The following WDFY1 variants were observed in gnomAD, a reference collection of about 807,000 sequenced individuals.
WDFY1 encodes WD repeat and FYVE domain-containing protein 1.
Under a neutral mutation model 56.4 loss-of-function variants are expected in WDFY1, and 32 were observed. The ratio of observed to expected loss-of-function variants is 0.57; its 90% CI spans 0.43 to 0.76. The LOEUF (loss-of-function observed/expected upper bound fraction) is 0.76, where lower values mean the gene tolerates loss of function less well. Ranked by LOEUF, WDFY1 falls within the 30% of genes least tolerant of loss-of-function variation. The probability of loss-of-function intolerance (pLI) is 0.00; values close to 1 mark genes in which losing one functional copy is unlikely to be tolerated. For synonymous variants in WDFY1, 192 were observed against 197.3 expected, an observed-to-expected ratio of 0.97 and a Z score of 0.23; for missense variants, 480 against 545.7, an observed-to-expected ratio of 0.88 and a Z score of 1.20.
chr2:223,922,982 T>C (rs901865945), intron 1 of WDFY1, among the ~76,000 whole-genome samples: 14 of 152,172 alleles, frequency 9.2e-5, no homozygotes, highest in Non-Finnish European at 1.6e-4. Flanking sequence ...ACCCATCTAA[T>C]AAACTAGGAA....
At chr2:223,884,552 G>T in intron 9 of WDFY1, 96 bp downstream of exon 9, 2 of 1,160,554 alleles carry the variant, frequency 1.7e-6, no homozygotes, top group Admixed American at 1.8e-5. Context: ...AATAGCATTT[G>T]CAAAAACAAA....
intron 1 of WDFY1, among the ~76,000 whole-genome samples, chr2:223,925,935 T>A (rs1258362873): frequency 6.6e-6 from 1 of 152,220 alleles, no homozygotes; most frequent in Non-Finnish European, 1.5e-5. Context: ...TATTTCCACA[T>A]CTGCAGTTAC....
At chr2:223,883,240 T>A (rs1396559763) in intron 9 of WDFY1, among the ~76,000 whole-genome samples, 1 of 152,214 alleles carries the variant, frequency 6.6e-6, no homozygotes, top group African/African-American at 2.4e-5. Context: ...CCCATAATCA[T>A]GTATTTTGCT....
At chr2:223,945,111 C>G (rs758165980) in intron 1 of WDFY1, 37 bp downstream of exon 1, 2 of 1,553,828 alleles carry the variant, frequency 1.3e-6, no homozygotes, top group Non-Finnish European at 1.7e-6. Context: ...CCCGTCGTCG[C>G]GGAGTTCGGG....
rs1461451983 is a variant in WDFY1, at chr2:223,897,390, A to ATATATATTTT, written c.598+1567_598+1568insAAAATATATA. On this transcript the variant is annotated intron_variant, in intron 6 of 11. Coordinates refer to ENST00000233055, the MANE Select transcript of WDFY1 (RefSeq NM_020830.5). ...TATATATATATATATATATATATAT[A>ATATATATTTT]TTTTTTAAGACGGAGTCTCTCTCTG... Among the ~76,000 whole-genome samples the ATATATATTTT allele has an allele frequency of 1.0e-3, 128 of 125,962 alleles. 3 individuals are homozygous for ATATATATTTT. The highest frequency in any genetic ancestry group is 1.7e-3 in the Non-Finnish European group (103 of 62,016). The allele number at this position is 125,962 out of a possible 152,430, so 82.6% of individuals were successfully genotyped here.
chr2:223,880,249 G>C lies in WDFY1; in HGVS notation c.1065-17C>G. The C allele has an allele frequency of 6.2e-7, 1 of 1,611,412 alleles. No individual in the cohort carries two copies. Among genetic ancestry groups the C allele is most frequent in the South Asian group, 1.1e-5 (1 of 91,014 alleles). Reference sequence around the variant, plus strand: ...GAAGTCCGACTAACAAGAGAAAAGAGATCACTGAAAATTTACTTGACTGTA... The same window carrying C: ...GAAGTCCGACTAACAAGAGAAAAGACATCACTGAAAATTTACTTGACTGTA... On this transcript the variant is annotated splice_polypyrimidine_tract_variant and intron_variant, in intron 10 of 11. Transcript: ENST00000233055.
intron 3 of WDFY1, among the ~76,000 whole-genome samples, chr2:223,911,145 G>A (rs1403636899): frequency 5.9e-5 from 9 of 152,162 alleles, no homozygotes; most frequent in African/African-American, 1.9e-4. Flanking sequence ...AGACATAAAA[G>A]GCCACACATA....
At chr2:223,929,667 T>C (rs571770119) in intron 1 of WDFY1, among the ~76,000 whole-genome samples, 20 of 152,124 alleles carry the variant, frequency 1.3e-4, no homozygotes, top group Non-Finnish European at 2.2e-4. Flanking sequence ...AAAATAAAGA[T>C]TCATGAAAAG....
chr2:223,885,395 C>G (rs1478559556), intron 8 of WDFY1, among the ~76,000 whole-genome samples: 1 of 151,958 alleles, frequency 6.6e-6, no homozygotes, highest in African/African-American at 2.4e-5. Context: ...CAGGATCTCA[C>G]TATATTTCCC....
In WDFY1 at chr2:223,878,692, C is replaced by T. The variant is rs752255742; in HGVS notation, c.1212G>A (p.Ala404=). The T allele has an allele frequency of 1.7e-5, 27 of 1,613,966 alleles. No homozygotes were observed. The highest frequency in any genetic ancestry group is 2.1e-5 in the Non-Finnish European group (25 of 1,179,986). ...CAGATCAGTGCGGAGAAAACCCAGT[C>T]GCCAGACTGCAGCCCACCACAGGTG... The part of the protein sequence containing the change: ...DMTPVVGCSL[A]TGFSPH Residue 404 remains alanine, a synonymous_variant, in exon 12 of 12, where the codon GCG becomes GCA. Transcript: ENST00000233055.
intron 8 of WDFY1, among the ~76,000 whole-genome samples, chr2:223,887,035 G>C (rs115279314): frequency 8.1e-4 from 123 of 152,306 alleles, no homozygotes; most frequent in African/African-American, 2.9e-3. Context: ...TAGAAGAAAG[G>C]TTTCCTTAAA....
At chr2:223,890,818 T>C (rs1046478172) in intron 8 of WDFY1, among the ~76,000 whole-genome samples, 2 of 152,192 alleles carry the variant, frequency 1.3e-5, no homozygotes, top group African/African-American at 4.8e-5. Flanking sequence ...AAAATAAAGT[T>C]CTCTTTTCAA....
intron 7 of WDFY1, 135 bp from the exon 8 acceptor site, chr2:223,894,474 A>G: frequency 1.3e-6 from 1 of 787,758 alleles, no homozygotes; most frequent in Admixed American, 2.3e-5. Context: ...GCATGGTAAA[A>G]TGAATTCTAG....
chr2:223,886,248 A>C (rs759707400), intron 8 of WDFY1, among the ~76,000 whole-genome samples: 2 of 152,040 alleles, frequency 1.3e-5, no homozygotes, highest in Non-Finnish European at 2.9e-5. Flanking sequence ...CTGAGGCAGA[A>C]GAATCACTTG....
At chr2:223,904,872 A>C (rs965786250) in intron 4 of WDFY1, among the ~76,000 whole-genome samples, 4 of 152,196 alleles carry the variant, frequency 2.6e-5, no homozygotes, top group African/African-American at 4.8e-5. Flanking sequence ...TGTCATTGGG[A>C]TCTTGCTTTT....
At chr2:223,899,595 A>G (rs1693467294) in intron 5 of WDFY1, among the ~76,000 whole-genome samples, 2 of 152,066 alleles carry the variant, frequency 1.3e-5, no homozygotes, top group Admixed American at 1.3e-4. Context: ...AAACACAAAA[A>G]ATTAGCTGGG....
chr2:223,928,668 C>T (rs1559174508), intron 1 of WDFY1, among the ~76,000 whole-genome samples: 1 of 152,170 alleles, frequency 6.6e-6, no homozygotes, highest in Non-Finnish European at 1.5e-5. Context: ...CCACCAAAAG[C>T]AAAAACAGAA....
intron 1 of WDFY1, among the ~76,000 whole-genome samples, chr2:223,942,731 T>C (rs1193250834): frequency 3.3e-5 from 4 of 122,974 alleles, no homozygotes; most frequent in Non-Finnish European, 6.8e-5. Context: ...GAGACGGGGT[T>C]TCACCTTGTT....
intron 2 of WDFY1, among the ~76,000 whole-genome samples, chr2:223,912,762 G>C (rs1040057722): frequency 6.6e-6 from 1 of 152,142 alleles, no homozygotes; most frequent in African/African-American, 2.4e-5. Context: ...TGGCATAAGT[G>C]AGCATATGTG....
Sources: allele counts gnomAD v4.1 joint callset (sites outside exome capture counted in the v4.1 genomes callset), GRCh38; gene constraint gnomAD v4.1.1; transcripts MANE v1.5; gene names NCBI Gene and HGNC (gene_info 2026-07-23, HGNC 2026-07-21).